FHIT: variants seen among roughly 807,000 people sequenced by gnomAD.
FHIT encodes fragile histidine triad diadenosine triphosphatase, also known as bis(5'-adenosyl)-triphosphatase.
FHIT carries 19 observed loss-of-function variants against 17.9 expected under a neutral mutation model. The ratio of observed to expected loss-of-function variants is 1.06; its 90% CI spans 0.74 to 1.56. The LOEUF is 1.56. FHIT is among the 40% of genes most tolerant of loss of function. FHIT has a pLI of 0.00. For synonymous variants in FHIT, 81 were observed against 69.7 expected (o/e 1.16, Z -0.81); for missense variants, 248 against 189.2 (o/e 1.31, Z -1.82).
chr3:60,089,337 G>C (rs17062148), intron 5 of FHIT, among the ~76,000 whole-genome samples: 37,558 of 151,962 alleles, frequency 0.25, 4,886 homozygotes, highest in African/African-American at 0.31. Context: ...TTTTGTTGTT[G>C]GTGGTATCCT....
At chr3:59,988,397 A>T (rs919058798) in intron 7 of FHIT, among the ~76,000 whole-genome samples, 4 of 152,114 alleles carry the variant, frequency 2.6e-5, no homozygotes, top group African/African-American at 7.2e-5. Context: ...GTTTATGTGT[A>T]ACATGATCGA....
chr3:59,908,939 T>C (rs1305765998), intron 8 of FHIT, among the ~76,000 whole-genome samples: 6 of 151,732 alleles, frequency 4.0e-5, no homozygotes. Flanking sequence ...ACTTGGTGAT[T>C]GAGAAGAAAC....
chr3:61,112,805 G>A (rs569698161), intron 2 of FHIT, among the ~76,000 whole-genome samples: 5 of 152,208 alleles, frequency 3.3e-5, no homozygotes, highest in African/African-American at 1.2e-4. Flanking sequence ...TCCCCACACA[G>A]AGCTACCTGA....
rs1705378774 is a variant in FHIT, at chr3:60,123,967, A to ATAT, written c.104-109816_104-109815insATA. 3.0e-3 allele frequency among the ~76,000 whole-genome samples: 82 copies of ATAT among 27,780 alleles called. 4 individuals are homozygous for ATAT. Among genetic ancestry groups the ATAT allele is most frequent in the East Asian group, 4.8e-3 (3 of 630 alleles). 18.2% of individuals were successfully genotyped at this position (27,780 alleles called of 152,430 possible). On this transcript the variant is annotated intron_variant, in intron 5 of 9. Coordinates refer to ENST00000492590, the MANE Select transcript of FHIT (RefSeq NM_002012.4). ...CTTCCATTAACAGAAATGCACTAAA[A>ATAT]ATATATATATATATATATATATATA...
chr3:59,951,369 G>T (rs1264435214), intron 7 of FHIT, among the ~76,000 whole-genome samples: 1 of 152,130 alleles, frequency 6.6e-6, no homozygotes, highest in Non-Finnish European at 1.5e-5. Context: ...AACACTCAGG[G>T]TCATCTGAGT....
At chr3:60,608,891 T>A (rs2038693153) in intron 4 of FHIT, among the ~76,000 whole-genome samples, 1 of 152,118 alleles carries the variant, frequency 6.6e-6, no homozygotes, top group Non-Finnish European at 1.5e-5. Flanking sequence ...CTTCTCTTCA[T>A]AATAGGTAAC....
chr3:60,657,484 T>C (rs1381299323), intron 4 of FHIT, among the ~76,000 whole-genome samples: 1 of 152,172 alleles, frequency 6.6e-6, no homozygotes, highest in Non-Finnish European at 1.5e-5. Context: ...CTTAGGTGTC[T>C]GGCAGATAGT....
chr3:60,600,362 T>TGGCA (rs1553668341), intron 4 of FHIT, among the ~76,000 whole-genome samples: 2 of 151,824 alleles, frequency 1.3e-5, no homozygotes, highest in Non-Finnish European at 2.9e-5. Context: ...TTTTCATTTG[T>TGGCA]GTAAGAAAAA....
In FHIT at chr3:60,762,421, G is replaced by T. The variant is rs1237660458; in HGVS notation, c.-18+59498C>A. ...CCCAAGATCCTTCCCTCTTTCTTCT[G>T]CCTGTGATGCCCAGGGATGGAGTAG... is the stretch of plus-strand genomic sequence containing the variant. On this transcript the variant is annotated intron_variant, in intron 4 of 9. Transcript: ENST00000492590. Among the ~76,000 whole-genome samples, 3 of 152,264 alleles carry T rather than the reference G, an allele frequency of 2.0e-5. No individual in the cohort carries two copies. In the South Asian group the frequency reaches 6.2e-4, roughly 32 times the overall value.
chr3:60,958,132 C>T (rs1406148046), intron 3 of FHIT, among the ~76,000 whole-genome samples: 2 of 152,278 alleles, frequency 1.3e-5, no homozygotes, highest in East Asian at 1.9e-4. Context: ...TGTTGTGGGG[C>T]TTTCAAGAAT....
intron 3 of FHIT, among the ~76,000 whole-genome samples, chr3:60,979,543 C>T (rs1355292164): frequency 6.6e-6 from 1 of 152,164 alleles, no homozygotes; most frequent in African/African-American, 2.4e-5. Flanking sequence ...CCTCCTCTGG[C>T]AGTTCTCCAG....
chr3:60,126,785 C>A (rs975291653), intron 5 of FHIT, among the ~76,000 whole-genome samples: 3 of 152,176 alleles, frequency 2.0e-5, no homozygotes, highest in African/African-American at 7.2e-5. Flanking sequence ...CAATCCTTCT[C>A]CCCATGCCAG....
At chr3:60,332,641 A>G (rs1247573345) in intron 5 of FHIT, among the ~76,000 whole-genome samples, 3 of 152,152 alleles carry the variant, frequency 2.0e-5, no homozygotes, top group Non-Finnish European at 4.4e-5. Context: ...TCTTAATGCT[A>G]TTATTCTGTC....
intron 4 of FHIT, among the ~76,000 whole-genome samples, chr3:60,563,511 C>A (rs1238485802): frequency 2.0e-5 from 3 of 152,220 alleles, no homozygotes; most frequent in African/African-American, 7.2e-5. Context: ...AAGCCAAAGA[C>A]AGGCCAAAAG....
intron 3 of FHIT, among the ~76,000 whole-genome samples, chr3:60,859,674 T>A (rs1344436154): frequency 7.0e-6 from 1 of 143,308 alleles, no homozygotes; most frequent in Admixed American, 7.2e-5. Context: ...CCTAAGAACC[T>A]CCTAGGAGAG....
intron 5 of FHIT, among the ~76,000 whole-genome samples, chr3:60,139,289 T>C (rs147270637): frequency 6.6e-6 from 1 of 152,270 alleles, no homozygotes; most frequent in East Asian, 1.9e-4. Flanking sequence ...CCATAGCTGA[T>C]TCCTAATTAA....
At chr3:61,084,065 A>G (rs1270606747) in intron 2 of FHIT, among the ~76,000 whole-genome samples, 1 of 152,186 alleles carries the variant, frequency 6.6e-6, no homozygotes, top group African/African-American at 2.4e-5. Flanking sequence ...TAGCTCTCAC[A>G]CTCAGATCAG....
chr3:60,625,278 G>A (rs782367424), intron 4 of FHIT, among the ~76,000 whole-genome samples: 2 of 152,130 alleles, frequency 1.3e-5, no homozygotes, highest in Non-Finnish European at 1.5e-5. Flanking sequence ...GTGGACATAT[G>A]TTTTCATTTC....
At chr3:60,284,870 C>T (rs1559788963) in intron 5 of FHIT, among the ~76,000 whole-genome samples, 1 of 152,244 alleles carries the variant, frequency 6.6e-6, no homozygotes, top group South Asian at 2.1e-4. Context: ...CAAGCCCACT[C>T]AAGGATTATT....
Sources: allele counts gnomAD v4.1 joint callset (sites outside exome capture counted in the v4.1 genomes callset), GRCh38; gene constraint gnomAD v4.1.1; transcripts MANE v1.5; gene names NCBI Gene and HGNC (gene_info 2026-07-23, HGNC 2026-07-21).